The following PDE11A variants were observed in gnomAD, a reference collection of about 807,000 sequenced individuals.
The protein encoded by PDE11A is phosphodiesterase 11A.
PDE11A carries 100 observed loss-of-function variants against 100.5 expected under a neutral mutation model. That is an observed-to-expected ratio of 1.00 (90% CI 0.85 to 1.18). PDE11A has a LOEUF of 1.18. Among genes scored for constraint, PDE11A ranks in the 50% most tolerant of loss-of-function variants. The pLI is 0.00. For synonymous variants in PDE11A, 381 were observed against 420.8 expected, an observed-to-expected ratio of 0.91 and a Z score of 1.16; for missense variants, 1,141 against 1,152.6, an observed-to-expected ratio of 0.99 and a Z score of 0.15.
At chr2:177,985,499 CA>C (rs199562964) in intron 2 of PDE11A, among the ~76,000 whole-genome samples, 19 of 150,774 alleles carry the variant, frequency 1.3e-4, no homozygotes, top group African/African-American at 4.4e-4. Context: ...CTCATTGAAA[CA>C]AAAAAAAATC....
At chr2:177,922,888 C>A (rs1298269499) in intron 2 of PDE11A, 6 of 883,872 alleles carry the variant, frequency 6.8e-6, no homozygotes, top group Non-Finnish European at 8.1e-6. Context: ...AAGTTGTATA[C>A]CTCTGTCTTT....
chr2:177,720,225 A>G (rs1054499213), intron 12 of PDE11A, among the ~76,000 whole-genome samples: 2 of 152,154 alleles, frequency 1.3e-5, no homozygotes, highest in African/African-American at 4.8e-5. Context: ...TATATGCTCC[A>G]AGGCAATAAT....
intron 1 of PDE11A, among the ~76,000 whole-genome samples, chr2:178,024,706 A>T (rs1380302401): frequency 6.6e-6 from 1 of 152,220 alleles, no homozygotes; most frequent in East Asian, 1.9e-4. Context: ...AAAATGAATA[A>T]TCCATTGAAA....
chr2:177,821,069 T>A (rs1176534929), intron 6 of PDE11A, among the ~76,000 whole-genome samples: 1 of 151,888 alleles, frequency 6.6e-6, no homozygotes, highest in Non-Finnish European at 1.5e-5. Flanking sequence ...CAATAAGATA[T>A]GAAGGTTTTG....
chr2:178,069,501 C>G (rs2087096331), intron 1 of PDE11A, among the ~76,000 whole-genome samples: 1 of 152,118 alleles, frequency 6.6e-6, no homozygotes, highest in Non-Finnish European at 1.5e-5. Flanking sequence ...ACCCATACAG[C>G]ACGTTTCCCC....
chr2:177,639,621 A>G (rs1352136459), intron 19 of PDE11A, among the ~76,000 whole-genome samples: 1 of 152,154 alleles, frequency 6.6e-6, no homozygotes, highest in Non-Finnish European at 1.5e-5. Flanking sequence ...TTCTCTTATT[A>G]CCATTATTCC....
chr2:177,691,179 A>G (rs1476373143), intron 15 of PDE11A, among the ~76,000 whole-genome samples: 6 of 152,160 alleles, frequency 3.9e-5, no homozygotes, highest in Non-Finnish European at 8.8e-5. Flanking sequence ...TGTAATCACA[A>G]CCTGTTGAGG....
chr2:177,777,250 C>A (rs766078976), intron 9 of PDE11A, among the ~76,000 whole-genome samples: 3 of 106,024 alleles, frequency 2.8e-5, no homozygotes, highest in African/African-American at 4.3e-5. Context: ...GTGACCCAGT[C>A]TGTGGTATTT....
intron 4 of PDE11A, among the ~76,000 whole-genome samples, chr2:177,882,261 T>C (rs1028835098): frequency 2.6e-5 from 4 of 152,234 alleles, no homozygotes; most frequent in Non-Finnish European, 4.4e-5. Flanking sequence ...ATTGAAAATA[T>C]AATGCATTCA....
intron 2 of PDE11A, among the ~76,000 whole-genome samples, chr2:177,993,823 T>G (rs2086034475): frequency 3.9e-5 from 6 of 152,016 alleles, no homozygotes; most frequent in Admixed American, 3.9e-4. Flanking sequence ...TGCAGTTACC[T>G]CATCTATAAA....
intron 6 of PDE11A, among the ~76,000 whole-genome samples, chr2:177,831,153 A>G (rs1003759793): frequency 1.3e-5 from 2 of 152,092 alleles, no homozygotes; most frequent in Non-Finnish European, 2.9e-5. Context: ...CAAGGAGGGA[A>G]CTCCATTAAA....
At chr2:178,043,862 C>T (rs1236510256) in intron 1 of PDE11A, among the ~76,000 whole-genome samples, 2 of 152,200 alleles carry the variant, frequency 1.3e-5, no homozygotes, top group Non-Finnish European at 2.9e-5. Context: ...AGGATGCTAA[C>T]TAAGAGATGC....
In PDE11A at chr2:177,791,456, G is replaced by A. The variant is rs369732111; in HGVS notation, c.1738-22083C>T. ...AATGTTAAATGACGAGTTAATGGGT[G>A]CAGCACACCAGCATGGCACATGTAT... On this transcript the variant is annotated intron_variant, in intron 9 of 19. Transcript: ENST00000286063. 2.6e-3 allele frequency among the ~76,000 whole-genome samples: 387 copies of A among 150,450 alleles called. 9 individuals are homozygous for A. The South Asian group carries it at 0.06, about 23-fold the overall frequency.
intron 1 of PDE11A, among the ~76,000 whole-genome samples, chr2:178,045,841 T>C (rs1230623715): frequency 6.6e-6 from 1 of 152,232 alleles, no homozygotes; most frequent in Non-Finnish European, 1.5e-5. Flanking sequence ...TGGAATGCAT[T>C]CTAGCAGATT....
intron 3 of PDE11A, among the ~76,000 whole-genome samples, chr2:177,900,454 A>G (rs1295216183): frequency 1.3e-5 from 2 of 152,200 alleles, no homozygotes; most frequent in Non-Finnish European, 2.9e-5. Context: ...GAATCTATTC[A>G]GGTAAAAAAG....
Position 177,909,216 on chromosome 2 carries a change from G to C in PDE11A, c.1072-4029C>G, listed in dbSNP as rs114264939. 4.4e-3 allele frequency among the ~76,000 whole-genome samples: 665 copies of C among 152,190 alleles called. 2 individuals are homozygous for C. The highest frequency in any genetic ancestry group is 0.015 in the African/African-American group (640 of 41,516). ...AACAACAAAAACTCTGCCATTTTAAGCCAATTACAAGGCATTTAACATGGC... is the reference window on the plus strand; with the variant it reads ...AACAACAAAAACTCTGCCATTTTAACCCAATTACAAGGCATTTAACATGGC... On this transcript the variant is annotated intron_variant, in intron 2 of 19. Transcript: ENST00000286063.
At chr2:178,050,938 A>ATTGTTT (rs1301281269) in intron 1 of PDE11A, among the ~76,000 whole-genome samples, 10 of 152,244 alleles carry the variant, frequency 6.6e-5, no homozygotes, top group Non-Finnish European at 1.5e-4. Context: ...AATCTTTAGG[A>ATTGTTT]TATTATGCAG....
chr2:177,953,079 G>A lies in PDE11A; in HGVS notation c.1072-47892C>T, dbSNP rs374240300. 2.6e-5 allele frequency: 4 copies of A among 152,086 alleles called. No individual in the cohort carries two copies. The East Asian group carries it at 5.8e-4, about 22-fold the overall frequency. The allele number at this position is 152,086 out of a possible 1,614,324, so 9.4% of individuals were successfully genotyped here. On this transcript the variant is annotated intron_variant, in intron 2 of 19. Transcript: ENST00000286063. ...TAAAAGCAAAGTCCATCAAAGCCACGGAAATGAAATAGGCAGGTAACTCAT... is the reference window on the plus strand; with the variant it reads ...TAAAAGCAAAGTCCATCAAAGCCACAGAAATGAAATAGGCAGGTAACTCAT...
intron 2 of PDE11A, among the ~76,000 whole-genome samples, chr2:177,938,074 G>A (rs2085299465): frequency 6.6e-6 from 1 of 152,058 alleles, no homozygotes; most frequent in Admixed American, 6.5e-5. Context: ...GAGTGAAAAA[G>A]GAAAGAATGA....
Sources: allele counts gnomAD v4.1 joint callset (sites outside exome capture counted in the v4.1 genomes callset), GRCh38; gene constraint gnomAD v4.1.1; transcripts MANE v1.5; gene names NCBI Gene and HGNC (gene_info 2026-07-23, HGNC 2026-07-21).